The following RAP1GAP2 variants were observed in gnomAD, a reference collection of about 807,000 sequenced individuals.
The protein encoded by RAP1GAP2 is rap1 GTPase-activating protein 2.
Under a neutral mutation model 95.0 loss-of-function variants are expected in RAP1GAP2, and 27 were observed. That is an observed-to-expected ratio of 0.28 (90% confidence interval 0.21 to 0.39). The LOEUF is 0.39. Among genes scored for constraint, RAP1GAP2 ranks in the 10% least tolerant of loss-of-function variants. RAP1GAP2 has a pLI of 1.00. For missense variants in RAP1GAP2, 771 were observed against 970.0 expected (o/e 0.79, Z 2.72); for synonymous variants, 373 against 380.9 (o/e 0.98, Z 0.24).
chr17:2,954,912 T>G (rs1402015908), intron 3 of RAP1GAP2, among the ~76,000 whole-genome samples: 1 of 152,152 alleles, frequency 6.6e-6, no homozygotes, highest in Non-Finnish European at 1.5e-5. Flanking sequence ...CTTTTTTCAT[T>G]TGGTGTAATG....
chr17:2,824,306 G>T (rs2070443889), intron 2 of RAP1GAP2, among the ~76,000 whole-genome samples: 1 of 151,534 alleles, frequency 6.6e-6, no homozygotes, highest in Admixed American at 6.6e-5. Context: ...AATTAGCTGG[G>T]CATGGTGGCA....
rs34158675 is a variant in RAP1GAP2, at chr17:2,943,928, C to A, written c.166-13831C>A. Among the ~76,000 whole-genome samples the A allele has an allele frequency of 5.8e-3, 882 of 151,796 alleles. 2 individuals are homozygous for A. Among genetic ancestry groups the A allele is most frequent in the Non-Finnish European group, 0.011 (721 of 67,924 alleles). On this transcript the variant is annotated intron_variant, in intron 3 of 24. Transcript: ENST00000254695. ...ACTTTGGGAGGCCAAGGAGGGCGGA[C>A]CATGAGGTCAGGAGATCGAGACCAT...
chr17:2,941,745 CGCAACCTCCTCACA>C (rs780551455), intron 3 of RAP1GAP2, among the ~76,000 whole-genome samples: 135 of 151,474 alleles, frequency 8.9e-4, no homozygotes, highest in Non-Finnish European at 1.2e-3. Flanking sequence ...CTCGGCTCAC[CGCAACCTCCTCACA>C]GCAACCTCCG....
intron 3 of RAP1GAP2, among the ~76,000 whole-genome samples, chr17:2,945,771 TTTTC>T (rs1041258030): frequency 3.3e-5 from 5 of 149,680 alleles, no homozygotes; most frequent in African/African-American, 1.3e-4. Flanking sequence ...GATACATTGA[TTTTC>T]TTTTTTTTTC....
chr17:2,934,633 G>A (rs897729407), intron 3 of RAP1GAP2, among the ~76,000 whole-genome samples: 6 of 152,168 alleles, frequency 3.9e-5, no homozygotes, highest in African/African-American at 1.2e-4. Flanking sequence ...GTCTACTACT[G>A]TATTTCATTG....
At chr17:2,995,298 T>C (rs1016807125) in intron 12 of RAP1GAP2, 39 bp from the exon 13 acceptor site, 14 of 1,604,406 alleles carry the variant, frequency 8.7e-6, no homozygotes, top group Non-Finnish European at 1.2e-5. Context: ...TTTGCCTCAC[T>C]CTCTTTTCTC....
chr17:2,881,539 C>G (rs1162260361), intron 2 of RAP1GAP2, among the ~76,000 whole-genome samples: 1 of 152,136 alleles, frequency 6.6e-6, no homozygotes, highest in East Asian at 1.9e-4. Context: ...TTTTGTTTAT[C>G]CACTCATTCG....
In RAP1GAP2 at chr17:2,980,348, G is replaced by A; in HGVS notation, c.658G>A (p.Val220Ile). ...GGCTGGACTGAGCAAGCTTCCCAGT[G>A]TCCCTCAGATTGCAAAGGTGAGAAA... ...PLAGLSKLPS[V>I]PQIAKAFCDD... is the part of the protein sequence containing the mutation. The change falls in exon 9 of 25, where the codon GTC (valine) becomes ATC (isoleucine). Residue 220 changes from valine (V) to isoleucine (I), a missense_variant. By Grantham distance (29) the Val-to-Ile change is conservative (BLOSUM62 3). Coordinates refer to ENST00000254695, the MANE Select transcript of RAP1GAP2 (RefSeq NM_015085.5). 1 of 1,613,930 alleles carries A rather than the reference G, an allele frequency of 6.2e-7. No individual in the cohort carries two copies. The highest frequency in any genetic ancestry group is 2.2e-5 in the East Asian group (1 of 44,850).
upstream of RAP1GAP2, among the ~76,000 whole-genome samples, chr17:2,775,301 C>T (rs1053780323): frequency 2.0e-5 from 3 of 152,084 alleles, no homozygotes; most frequent in African/African-American, 7.2e-5. Context: ...AAGAGAATTT[C>T]CCAATATGAC....
At chr17:2,772,843 T>TTC (rs200026251), upstream of RAP1GAP2, among the ~76,000 whole-genome samples, 2 of 131,124 alleles carry the variant, frequency 1.5e-5, no homozygotes, top group Non-Finnish European at 3.1e-5. Flanking sequence ...TTCTTTTTCT[T>TTC]TTTCTTTCTT....
chr17:2,792,588 G>A (rs1031123708), upstream of RAP1GAP2, among the ~76,000 whole-genome samples: 14 of 152,204 alleles, frequency 9.2e-5, no homozygotes, highest in African/African-American at 3.4e-4. Flanking sequence ...GTCTGGGGAC[G>A]TGTGGGCCCC....
chr17:2,997,848 A>G (rs889070790), intron 13 of RAP1GAP2, among the ~76,000 whole-genome samples: 35 of 150,688 alleles, frequency 2.3e-4, no homozygotes, highest in African/African-American at 8.6e-4. Flanking sequence ...ACTTGAACCC[A>G]GGAGGCGGAG....
At chr17:2,891,132 A>C (rs931342411) in intron 2 of RAP1GAP2, among the ~76,000 whole-genome samples, 16 of 149,020 alleles carry the variant, frequency 1.1e-4, no homozygotes, top group African/African-American at 3.4e-4. Flanking sequence ...TTTTCTATGG[A>C]CCTATCTTTC....
chr17:3,032,484 G>T (rs1483457641), intron 24 of RAP1GAP2, 35 bp downstream of exon 24: 6 of 1,593,532 alleles, frequency 3.8e-6, no homozygotes, highest in South Asian at 1.1e-5. Flanking sequence ...TGGCCGTGAG[G>T]GGGGACGTGT....
At chr17:2,795,762 G>A (rs1461397874), upstream of RAP1GAP2, among the ~76,000 whole-genome samples, 20 of 152,186 alleles carry the variant, frequency 1.3e-4, no homozygotes, top group Admixed American at 6.5e-5. Flanking sequence ...TGTGAGAAGC[G>A]TGTGCAGGTG....
intron 19 of RAP1GAP2, 112 bp downstream of exon 19, chr17:3,020,707 A>C: frequency 2.1e-6 from 2 of 943,072 alleles, no homozygotes; most frequent in Non-Finnish European, 1.6e-6. Context: ...GCTCAGCTTT[A>C]GGAGATGGCT....
intron 2 of RAP1GAP2, among the ~76,000 whole-genome samples, chr17:2,889,126 G>A (rs2073602579): frequency 6.6e-6 from 1 of 152,104 alleles, no homozygotes; most frequent in Non-Finnish European, 1.5e-5. Flanking sequence ...TCATGTGGTT[G>A]TTCTGTTTCT....
intron 2 of RAP1GAP2, among the ~76,000 whole-genome samples, chr17:2,886,383 G>C (rs529782177): frequency 1.3e-5 from 2 of 152,050 alleles, no homozygotes; most frequent in Non-Finnish European, 2.9e-5. Flanking sequence ...ACGTTATCCA[G>C]GCTGGTCTCG....
intron 1 of RAP1GAP2, among the ~76,000 whole-genome samples, chr17:2,756,454 T>G (rs59247870): frequency 0.22 from 34,180 of 152,124 alleles, 4,155 homozygotes; most frequent in East Asian, 0.5. Flanking sequence ...AGTCACCTGA[T>G]CTGGGCCCCC....
Sources: allele counts gnomAD v4.1 joint callset (sites outside exome capture counted in the v4.1 genomes callset), GRCh38; gene constraint gnomAD v4.1.1; transcripts MANE v1.5; gene names NCBI Gene and HGNC (gene_info 2026-07-23, HGNC 2026-07-21).